The following PEBP4 variants were observed in gnomAD, a reference collection of about 807,000 sequenced individuals.
PEBP4 encodes the protein phosphatidylethanolamine-binding protein 4.
PEBP4 carries 22 observed loss-of-function variants against 23.9 expected under a neutral mutation model. The ratio of observed to expected loss-of-function variants is 0.92; its 90% CI spans 0.66 to 1.31. The LOEUF (loss-of-function observed/expected upper bound fraction) is 1.31, where lower values mean the gene tolerates loss of function less well. Ranked by LOEUF, PEBP4 falls within the 40% of genes most tolerant of loss-of-function variation. PEBP4 has a pLI of 0.00. For synonymous variants in PEBP4, 112 were observed against 99.3 expected, an observed-to-expected ratio of 1.13 and a Z score of -0.76; for missense variants, 324 against 281.7, an observed-to-expected ratio of 1.15 and a Z score of -1.07.
intron 4 of PEBP4, among the ~76,000 whole-genome samples, chr8:22,812,723 T>G (rs1370528692): frequency 6.6e-6 from 1 of 152,200 alleles, no homozygotes; most frequent in East Asian, 1.9e-4. Context: ...TTTATTATCA[T>G]TAGTGTGGTT....
At chr8:22,735,940 C>T (rs1804851954) in intron 4 of PEBP4, among the ~76,000 whole-genome samples, 1 of 152,222 alleles carries the variant, frequency 6.6e-6, no homozygotes, top group Admixed American at 6.5e-5. Flanking sequence ...AAAGAAAAAG[C>T]ATTCCCTGGA....
chr8:22,796,308 T>C (rs1356260984), intron 4 of PEBP4, among the ~76,000 whole-genome samples: 2 of 151,908 alleles, frequency 1.3e-5, no homozygotes, highest in African/African-American at 4.8e-5. Flanking sequence ...GTACGTGTAA[T>C]TCATTTCCCC....
chr8:22,732,667 T>A, intron 4 of PEBP4, among the ~76,000 whole-genome samples: 1 of 151,756 alleles, frequency 6.6e-6, no homozygotes. Context: ...TGTGTGTGTA[T>A]GCACATGTGT....
At chr8:22,833,003 C>T (rs937352174) in intron 3 of PEBP4, among the ~76,000 whole-genome samples, 15 of 152,176 alleles carry the variant, frequency 9.9e-5, no homozygotes, top group Non-Finnish European at 1.6e-4. Flanking sequence ...TTATTCAGAT[C>T]AGCCAATCCT....
At chr8:22,774,453 C>A (rs756822417) in intron 4 of PEBP4, among the ~76,000 whole-genome samples, 1 of 152,176 alleles carries the variant, frequency 6.6e-6, no homozygotes, top group Non-Finnish European at 1.5e-5. Context: ...GGGAGGATGT[C>A]ACAGTACTCT....
intron 4 of PEBP4, among the ~76,000 whole-genome samples, chr8:22,793,148 A>G (rs1806174453): frequency 6.6e-6 from 1 of 152,234 alleles, no homozygotes; most frequent in Non-Finnish European, 1.5e-5. Context: ...TCTCCATGCA[A>G]TGAAAATGAG....
At chr8:22,779,977 G>T (rs1805883999) in intron 4 of PEBP4, among the ~76,000 whole-genome samples, 2 of 151,220 alleles carry the variant, frequency 1.3e-5, no homozygotes, top group Non-Finnish European at 2.9e-5. Context: ...TTGAGACAGG[G>T]TCTCACTGTT....
chr8:22,792,609 C>T (rs971032162), intron 4 of PEBP4, among the ~76,000 whole-genome samples: 2 of 152,158 alleles, frequency 1.3e-5, no homozygotes, highest in African/African-American at 4.8e-5. Context: ...CCCAGTGCTT[C>T]ACACACGCTG....
chr8:22,795,159 ATATATTTTTTTT>A, intron 4 of PEBP4, among the ~76,000 whole-genome samples: 1 of 28,530 alleles, frequency 3.5e-5, no homozygotes, highest in African/African-American at 1.3e-4. Flanking sequence ...ATATATATAT[ATATATTTTTTTT>A]TTTTTTTTTT....
At chr8:22,845,232 G>A (rs1165361308) in intron 3 of PEBP4, among the ~76,000 whole-genome samples, 3 of 152,092 alleles carry the variant, frequency 2.0e-5, no homozygotes, top group African/African-American at 7.2e-5. Flanking sequence ...GGGTTAGGGA[G>A]GAAAGTAAAT....
chr8:22,725,026 C>T (rs1804595687), intron 5 of PEBP4, 70 bp from the exon 6 acceptor site: 2 of 1,352,152 alleles, frequency 1.5e-6, no homozygotes. Context: ...TCTCTGCCTT[C>T]CCATGGTCCT....
intron 3 of PEBP4, among the ~76,000 whole-genome samples, chr8:22,882,822 A>G (rs1808291776): frequency 1.3e-5 from 2 of 152,014 alleles, no homozygotes; most frequent in Admixed American, 1.3e-4. Context: ...CACCTGCCCA[A>G]ACCACCCCAG....
chr8:22,927,787 C>G, intron 1 of PEBP4, 36 bp downstream of exon 1: 1 of 1,591,798 alleles, frequency 6.3e-7, no homozygotes. Flanking sequence ...CTACCTGTGC[C>G]CCCGACCCCA....
chr8:22,818,170 A>C (rs1034099172), intron 3 of PEBP4, among the ~76,000 whole-genome samples: 8 of 152,178 alleles, frequency 5.3e-5, no homozygotes, highest in Admixed American at 5.2e-4. Context: ...CACAAAGAAC[A>C]CCAGGATTCA....
chr8:22,873,167 G>A (rs763906702), intron 3 of PEBP4, among the ~76,000 whole-genome samples: 7 of 152,216 alleles, frequency 4.6e-5, no homozygotes, highest in Non-Finnish European at 1.0e-4. Flanking sequence ...TACAGTTATT[G>A]GCGAGACTGC....
At chr8:22,883,665 C>T (rs138115079) in intron 3 of PEBP4, among the ~76,000 whole-genome samples, 2 of 152,274 alleles carry the variant, frequency 1.3e-5, no homozygotes, top group African/African-American at 2.4e-5. Context: ...ATTTGAGTTC[C>T]GTGGACAGCC....
At chr8:22,725,073 CT>C (rs1405987349) in intron 5 of PEBP4, 117 bp from the exon 6 acceptor site, 2 of 678,528 alleles carry the variant, frequency 2.9e-6, no homozygotes, top group Non-Finnish European at 5.3e-6. Flanking sequence ...GCACTCGGCC[CT>C]GCAAAACATT....
chr8:22,888,525 GC>G (rs968859672), intron 3 of PEBP4, among the ~76,000 whole-genome samples: 30 of 152,184 alleles, frequency 2.0e-4, no homozygotes, highest in African/African-American at 6.8e-4. Flanking sequence ...AAGTGAGGTG[GC>G]CGTGGCTTCT....
At chr8:22,782,660 C>T (rs1805949476) in intron 4 of PEBP4, among the ~76,000 whole-genome samples, 1 of 152,196 alleles carries the variant, frequency 6.6e-6, no homozygotes, top group African/African-American at 2.4e-5. Flanking sequence ...CCACAAATTG[C>T]AAAATTGTAT....
Sources: allele counts gnomAD v4.1 joint callset (sites outside exome capture counted in the v4.1 genomes callset), GRCh38; gene constraint gnomAD v4.1.1; transcripts MANE v1.5; gene names NCBI Gene and HGNC (gene_info 2026-07-23, HGNC 2026-07-21).